The following BIN3 variants were observed in gnomAD, a reference collection of about 807,000 sequenced individuals.
BIN3 encodes bridging integrator 3.
Under a neutral mutation model 38.2 loss-of-function variants are expected in BIN3, and 41 were observed. The observed-to-expected ratio is 1.07, with a 90% CI of 0.84 to 1.39. BIN3 has a LOEUF of 1.39. Among genes scored for constraint, BIN3 ranks in the 40% most tolerant of loss-of-function variants. BIN3 has a pLI of 0.00. For missense variants in BIN3, 361 were observed against 324.3 expected, an observed-to-expected ratio of 1.11 and a Z score of -0.87; for synonymous variants, 145 against 122.6, an observed-to-expected ratio of 1.18 and a Z score of -1.21.
chr8:22,645,785 G>A (rs1043848182), intron 1 of BIN3, among the ~76,000 whole-genome samples: 3 of 152,334 alleles, frequency 2.0e-5, no homozygotes, highest in African/African-American at 7.2e-5. Flanking sequence ...CTTTGGATCT[G>A]CAAATCTTCT....
intron 1 of BIN3, among the ~76,000 whole-genome samples, chr8:22,649,567 T>C (rs1231495549): frequency 6.6e-6 from 1 of 152,130 alleles, no homozygotes; most frequent in Non-Finnish European, 1.5e-5. Flanking sequence ...TTGCTATTTA[T>C]ATTTTTTAAA....
At chr8:22,650,359 T>C (rs533760303) in intron 1 of BIN3, among the ~76,000 whole-genome samples, 4 of 152,236 alleles carry the variant, frequency 2.6e-5, no homozygotes, top group Non-Finnish European at 5.9e-5. Context: ...TGTTTGCCTT[T>C]CACTTTTGTA....
At chr8:22,628,573 G>A (rs1802079415) in intron 6 of BIN3, among the ~76,000 whole-genome samples, 2 of 152,216 alleles carry the variant, frequency 1.3e-5, no homozygotes, top group Admixed American at 1.3e-4. Context: ...CCAGGGTGGT[G>A]GGAAGTGGCC....
chr8:22,632,229 T>A (rs1802225527), intron 4 of BIN3, among the ~76,000 whole-genome samples: 1 of 152,232 alleles, frequency 6.6e-6, no homozygotes, highest in Non-Finnish European at 1.5e-5. Flanking sequence ...TAATCACAGA[T>A]GTGGCCTTGC....
chr8:22,649,773 G>T (rs1802824113), intron 1 of BIN3, among the ~76,000 whole-genome samples: 1 of 148,668 alleles, frequency 6.7e-6, no homozygotes, highest in Non-Finnish European at 1.5e-5. Context: ...CACCTGATCA[G>T]TGTTAAAAAC....
At chr8:22,651,410 TCAC>T (rs1802886636) in intron 1 of BIN3, among the ~76,000 whole-genome samples, 1 of 152,246 alleles carries the variant, frequency 6.6e-6, no homozygotes, top group Non-Finnish European at 1.5e-5. Flanking sequence ...AGCTGTCCCT[TCAC>T]CAATCTTTCT....
At position 22,647,848 on chromosome 8, in the gene BIN3, C is replaced by T. The variant is rs561624003; in HGVS notation, c.9-3045G>A. On this transcript the variant is annotated intron_variant, in intron 1 of 8. Coordinates refer to ENST00000276416, the MANE Select transcript of BIN3 (RefSeq NM_018688.6). Reference sequence around the variant, plus strand: ...AAGTTTTAAAGAAAAACTGTGAGGCCGGGCGTGGTGGCTCACACCTGTAAT... The same window carrying T: ...AAGTTTTAAAGAAAAACTGTGAGGCTGGGCGTGGTGGCTCACACCTGTAAT... Among the ~76,000 whole-genome samples, 11 of 152,152 alleles carry T rather than the reference C, an allele frequency of 7.2e-5. No homozygotes were observed. The South Asian group carries it at 1.0e-3, about 14-fold the overall frequency.
intron 1 of BIN3, among the ~76,000 whole-genome samples, chr8:22,646,962 C>T (rs1802733611): frequency 6.6e-6 from 1 of 152,188 alleles, no homozygotes; most frequent in South Asian, 2.1e-4. Context: ...GACAGACAGC[C>T]TGTATTCTGT....
chr8:22,644,592 C>T (rs1802657529), intron 2 of BIN3, 163 bp downstream of exon 2: 1 of 666,546 alleles, frequency 1.5e-6, no homozygotes, highest in Non-Finnish European at 2.7e-6. Flanking sequence ...GGAGGCCCCT[C>T]TAAGCCTCAG....
At chr8:22,623,298 C>A (rs1017313700) in intron 8 of BIN3, among the ~76,000 whole-genome samples, 1 of 152,194 alleles carries the variant, frequency 6.6e-6, no homozygotes, top group African/African-American at 2.4e-5. Flanking sequence ...CACTCCGTGT[C>A]CTCCCGTCCC....
chr8:22,624,403 G>A (rs559125923), intron 6 of BIN3, 40 bp from the exon 7 acceptor site: 2 of 1,595,080 alleles, frequency 1.3e-6, no homozygotes, highest in South Asian at 1.1e-5. Flanking sequence ...CGTTCTTGAA[G>A]GGGTGGCCTG....
intron 1 of BIN3, among the ~76,000 whole-genome samples, chr8:22,648,291 T>C (rs1209492921): frequency 6.6e-6 from 1 of 152,174 alleles, no homozygotes; most frequent in Non-Finnish European, 1.5e-5. Context: ...GACTATCCTT[T>C]CTTCAGACCT....
chr8:22,636,652 G>T, intron 3 of BIN3, 66 bp from the exon 4 acceptor site: 1 of 1,474,168 alleles, frequency 6.8e-7, no homozygotes, highest in Non-Finnish European at 9.3e-7. Context: ...AAGCCCAGGT[G>T]CTCTGGAGGG....
intron 2 of BIN3, among the ~76,000 whole-genome samples, chr8:22,639,541 T>A (rs750672170): frequency 1.8e-4 from 28 of 152,156 alleles, no homozygotes; most frequent in Non-Finnish European, 3.4e-4. Context: ...CAACTTTAGG[T>A]GGCTTACGAG....
Position 22,669,086 on chromosome 8 carries a change from G to C in BIN3, c.-35C>G. 6.3e-7 allele frequency: 1 copy of C among 1,588,474 alleles called. No homozygotes were observed. The highest frequency in any genetic ancestry group is 1.3e-5 in the African/African-American group (1 of 74,486). ...CCTGCGTCTGCCGCCGGGGTCCTCA[G>C]CCACAACTCGTTTCTCTAGGGTCAC... On this transcript the variant is annotated 5_prime_UTR_variant, in exon 1 of 9. Transcript: ENST00000276416.
chr8:22,661,352 C>CATTTTTTTT (rs1803230212), intron 1 of BIN3, among the ~76,000 whole-genome samples: 1 of 84,448 alleles, frequency 1.2e-5, no homozygotes, highest in Admixed American at 1.8e-4. Flanking sequence ...ATGTATCATT[C>CATTTTTTTT]TTTTTTTTTT....
At chr8:22,649,812 AACAC>A (rs571224082) in intron 1 of BIN3, among the ~76,000 whole-genome samples, 4,027 of 89,162 alleles carry the variant, frequency 0.045, 76 homozygotes, top group Admixed American at 0.073. Flanking sequence ...CGCAAAGGAC[AACAC>A]ACACACACAC....
In BIN3 at chr8:22,645,955, C is replaced by T. The variant is rs114031642; in HGVS notation, c.9-1152G>A. ...TTGGACTTGCTATGAAGAGCTGCAC[C>T]TCAGATTCCCTACTTTACAGCATGG... On this transcript the variant is annotated intron_variant, in intron 1 of 8. Coordinates refer to ENST00000276416, the MANE Select transcript of BIN3 (RefSeq NM_018688.6). Among the ~76,000 whole-genome samples, 468 of 152,292 alleles carry T rather than the reference C, an allele frequency of 3.1e-3. 5 individuals are homozygous for T. Among genetic ancestry groups the T allele is most frequent in the African/African-American group, 0.011 (448 of 41,562 alleles).
At chr8:22,632,107 AG>A (rs1802222324) in intron 4 of BIN3, among the ~76,000 whole-genome samples, 1 of 152,208 alleles carries the variant, frequency 6.6e-6, no homozygotes, top group Non-Finnish European at 1.5e-5. Flanking sequence ...CTACTAAGGG[AG>A]AAAAAATTGT....
Sources: allele counts gnomAD v4.1 joint callset (sites outside exome capture counted in the v4.1 genomes callset), GRCh38; gene constraint gnomAD v4.1.1; transcripts MANE v1.5; gene names NCBI Gene and HGNC (gene_info 2026-07-23, HGNC 2026-07-21).